Variants in SUMF1 observed in about 807,000 individuals in gnomAD.
SUMF1 encodes formylglycine-generating enzyme.
A neutral mutation model predicts 47.6 loss-of-function variants in SUMF1; 48 were observed. The ratio of observed to expected loss-of-function variants is 1.01; its 90% CI spans 0.80 to 1.28. The LOEUF is 1.28. SUMF1 is among the 50% of genes most tolerant of loss of function. SUMF1 has a pLI of 0.00. For synonymous variants in SUMF1, 230 were observed against 192.1 expected (o/e 1.20, Z -1.63); for missense variants, 571 against 485.4 (o/e 1.18, Z -1.66).
intron 8 of SUMF1, among the ~76,000 whole-genome samples, chr3:4,101,092 A>G (rs1693021235): frequency 1.3e-5 from 2 of 152,104 alleles, no homozygotes; most frequent in African/African-American, 4.8e-5. Context: ...GGGGATCTTC[A>G]TAATACTAAA....
intron 7 of SUMF1, among the ~76,000 whole-genome samples, chr3:4,390,477 G>A (rs1700824592): frequency 6.6e-6 from 1 of 152,136 alleles, no homozygotes. Context: ...TTTCCTACTT[G>A]CTCCTTTGGC....
At chr3:4,065,218 C>G (rs1382120075) in intron 9 of SUMF1, among the ~76,000 whole-genome samples, 3 of 150,118 alleles carry the variant, frequency 2.0e-5, no homozygotes, top group Non-Finnish European at 4.4e-5. Context: ...TTTCTCACTG[C>G]TTTTTTGCTT....
At chr3:4,096,623 C>T (rs1692910529) in intron 8 of SUMF1, among the ~76,000 whole-genome samples, 1 of 152,106 alleles carries the variant, frequency 6.6e-6, no homozygotes, top group Non-Finnish European at 1.5e-5. Flanking sequence ...GAATCTAAAT[C>T]TCTTTACAGA....
chr3:4,406,625 A>T (rs1206466307), intron 7 of SUMF1, among the ~76,000 whole-genome samples: 1 of 152,214 alleles, frequency 6.6e-6, no homozygotes, highest in African/African-American at 2.4e-5. Context: ...GTGCCACTGC[A>T]CTCCATCCTG....
chr3:4,377,335 A>G (rs1401616210), intron 7 of SUMF1, among the ~76,000 whole-genome samples: 1 of 147,374 alleles, frequency 6.8e-6, no homozygotes. Flanking sequence ...TATCTTGAAG[A>G]AAAAAAAAAA....
In SUMF1 at chr3:4,069,175, T is replaced by C. The variant is rs1695454671; in HGVS notation, c.1015-430A>G. On this transcript the variant is annotated intron_variant and NMD_transcript_variant, in intron 8 of 12. Transcript: ENST00000448413. Reference sequence around the variant, plus strand: ...GAAAGAACACATAGGATGAGATAACTAGTCACAGAAGGCTGTTTATGGCAT... The same window carrying C: ...GAAAGAACACATAGGATGAGATAACCAGTCACAGAAGGCTGTTTATGGCAT... Among the ~76,000 whole-genome samples the C allele has an allele frequency of 3.3e-5, 5 of 152,066 alleles. 1 individual carries two copies. Among genetic ancestry groups the C allele is most frequent in the Admixed American group, 3.3e-4 (5 of 15,278 alleles).
chr3:4,335,980 A>AAAAAAAAAAAAAC (rs5846321), intron 8 of SUMF1, among the ~76,000 whole-genome samples: 26 of 148,198 alleles, frequency 1.8e-4, no homozygotes, highest in African/African-American at 6.3e-4. Context: ...AAAAAAAAAA[A>AAAAAAAAAAAAAC]CAGAAAAAAC....
At chr3:4,140,686 A>T (rs1453083067) in intron 8 of SUMF1, among the ~76,000 whole-genome samples, 2 of 151,984 alleles carry the variant, frequency 1.3e-5, no homozygotes, top group Non-Finnish European at 2.9e-5. Context: ...ACACTACTTT[A>T]TGTAGTATAT....
chr3:4,221,937 ATCC>A (rs1696074795), intron 8 of SUMF1, among the ~76,000 whole-genome samples: 1 of 151,520 alleles, frequency 6.6e-6, no homozygotes, highest in Non-Finnish European at 1.5e-5. Flanking sequence ...CGTTTTGTAT[ATCC>A]TCTGATTTTT....
At chr3:4,153,364 C>G (rs1380013966) in intron 8 of SUMF1, among the ~76,000 whole-genome samples, 1 of 151,396 alleles carries the variant, frequency 6.6e-6, no homozygotes, top group African/African-American at 2.5e-5. Context: ...GCACATGCCA[C>G]TATGCCGAGC....
At position 4,220,497 on chromosome 3, in the gene SUMF1, GTTTTCA is replaced by G. The variant is rs555070461; in HGVS notation, c.1015-151758_1015-151753del. ...ACCACAGAATGTATTATCTAGGACG[GTTTTCA>G]TTTTCATTTGTTTCCTTTGTCCTCA... On this transcript the variant is annotated intron_variant and NMD_transcript_variant, in intron 8 of 12. Transcript: ENST00000448413. Among the ~76,000 whole-genome samples, 8 of 152,054 alleles carry G rather than the reference GTTTTCA, an allele frequency of 5.3e-5. No individual in the cohort carries two copies. In the South Asian group the frequency reaches 1.7e-3, roughly 32 times the overall value.
chr3:4,100,861 C>G (rs1182755935), intron 8 of SUMF1, among the ~76,000 whole-genome samples: 1 of 151,910 alleles, frequency 6.6e-6, no homozygotes, highest in Non-Finnish European at 1.5e-5. Flanking sequence ...AAAGACACTT[C>G]TTAGAGGAAG....
At chr3:4,283,384 A>C (rs1697567567) in intron 8 of SUMF1, among the ~76,000 whole-genome samples, 1 of 152,194 alleles carries the variant, frequency 6.6e-6, no homozygotes, top group Non-Finnish European at 1.5e-5. Context: ...GGGGTCCTTA[A>C]TGTTAGCCTG....
At chr3:4,349,966 T>TA (rs1010592897) in intron 8 of SUMF1, among the ~76,000 whole-genome samples, 3 of 148,014 alleles carry the variant, frequency 2.0e-5, no homozygotes, top group Admixed American at 6.7e-5. Context: ...TTAGAAGAAA[T>TA]AAAAAAAATA....
chr3:4,249,978 G>C (rs1295099454), intron 8 of SUMF1, among the ~76,000 whole-genome samples: 1 of 152,178 alleles, frequency 6.6e-6, no homozygotes, highest in African/African-American at 2.4e-5. Flanking sequence ...GAGGCCAGGA[G>C]TTTGAGACCA....
At chr3:4,259,723 A>G (rs1697043829) in intron 8 of SUMF1, among the ~76,000 whole-genome samples, 1 of 152,198 alleles carries the variant, frequency 6.6e-6, no homozygotes, top group African/African-American at 2.4e-5. Context: ...TGAAAGCACA[A>G]AGCCTAATGG....
At chr3:4,198,478 A>G (rs1695477213) in intron 8 of SUMF1, among the ~76,000 whole-genome samples, 2 of 152,116 alleles carry the variant, frequency 1.3e-5, no homozygotes, top group Non-Finnish European at 2.9e-5. Flanking sequence ...CTGCTTATTA[A>G]TCTACCTAAG....
intron 8 of SUMF1, among the ~76,000 whole-genome samples, chr3:4,080,977 A>C (rs959806580): frequency 6.6e-6 from 1 of 152,144 alleles, no homozygotes; most frequent in Admixed American, 6.5e-5. Context: ...CAGTTTGCTC[A>C]ACTGAAAAAT....
chr3:4,130,434 C>T (rs1468313285), intron 8 of SUMF1, among the ~76,000 whole-genome samples: 1 of 152,182 alleles, frequency 6.6e-6, no homozygotes, highest in African/African-American at 2.4e-5. Flanking sequence ...GTATCATAAT[C>T]TTATTCAGAA....
Sources: allele counts gnomAD v4.1 joint callset (sites outside exome capture counted in the v4.1 genomes callset), GRCh38; gene constraint gnomAD v4.1.1; transcripts MANE v1.5; gene names NCBI Gene and HGNC (gene_info 2026-07-23, HGNC 2026-07-21).